MYH10: variants seen among roughly 807,000 people sequenced by gnomAD.
MYH10 encodes myosin-10.
MYH10 carries 55 observed loss-of-function variants against 257.8 expected under a neutral mutation model. The ratio of observed to expected loss-of-function variants is 0.21; its 90% CI spans 0.17 to 0.27. The LOEUF is 0.27. Ranked by LOEUF, MYH10 falls within the 10% of genes least tolerant of loss-of-function variation. The pLI is 1.00. For synonymous variants in MYH10, 854 were observed against 921.7 expected (o/e 0.93, Z 1.33); for missense variants, 1,631 against 2,500.6 (o/e 0.65, Z 7.42).
intron 7 of MYH10, chr17:8,561,668 G>A: frequency 3.1e-6 from 2 of 648,546 alleles, no homozygotes; most frequent in Non-Finnish European, 5.4e-6. Flanking sequence ...AAGATTTGGG[G>A]CCTCTGAACA....
At chr17:8,476,456 GCT>G (rs1312514745) in intron 42 of MYH10, among the ~76,000 whole-genome samples, 4 of 152,234 alleles carry the variant, frequency 2.6e-5, no homozygotes, top group African/African-American at 7.2e-5. Context: ...TTCAGCTGTA[GCT>G]CTCTCACGCT....
intron 2 of MYH10, among the ~76,000 whole-genome samples, chr17:8,606,628 T>C (rs543549810): frequency 2.0e-5 from 3 of 152,290 alleles, no homozygotes; most frequent in African/African-American, 7.2e-5. Context: ...TGCCAAAAAA[T>C]TTCAAGTGAT....
chr17:8,611,036 G>A (rs910979357), intron 2 of MYH10, among the ~76,000 whole-genome samples: 34 of 152,134 alleles, frequency 2.2e-4, no homozygotes, highest in African/African-American at 7.2e-4. Context: ...CCCAAAACCC[G>A]TTGCTGAGAA....
rs1320255126 is a variant in MYH10 at position 8,534,688 on chromosome 17, C to A, written c.1894+699G>T. Among the ~76,000 whole-genome samples the A allele has an allele frequency of 1.3e-5, 2 of 152,204 alleles. 1 individual carries two copies. The highest frequency in any genetic ancestry group is 2.9e-5 in the Non-Finnish European group (2 of 68,048). Reference sequence around the variant, plus strand: ...GGTCAAGGTCTAGGCAGGGTTAGATCCAGGGCTAAGGTCCTGCATGGCCTG... The same window carrying A: ...GGTCAAGGTCTAGGCAGGGTTAGATACAGGGCTAAGGTCCTGCATGGCCTG... On this transcript the variant is annotated intron_variant, in intron 16 of 42. Transcript: ENST00000360416.
At chr17:8,567,709 GAA>G (rs1033382845) in intron 7 of MYH10, among the ~76,000 whole-genome samples, 8 of 152,306 alleles carry the variant, frequency 5.3e-5, no homozygotes, top group African/African-American at 1.9e-4. Context: ...ATAAGCCAAA[GAA>G]AGAGTGCACA....
Position 8,506,438 on chromosome 17 carries a change from C to G in MYH10, c.3266G>C (p.Arg1089Thr). 6.2e-7 allele frequency: 1 copy of G among 1,612,862 alleles called. No homozygotes were observed. Among genetic ancestry groups the G allele is most frequent in the Non-Finnish European group, 8.5e-7 (1 of 1,179,630 alleles). The part of the protein sequence containing the change: ...KTRQELEKAK[R>T]KLDGETTDLQ... Reference sequence around the variant, plus strand: ...GTCGGTCGTCTCCCCGTCGAGTTTTCTTTTGGCCTTTTCCAGTTCCTGACG... The same window carrying G: ...GTCGGTCGTCTCCCCGTCGAGTTTTGTTTTGGCCTTTTCCAGTTCCTGACG... Residue 1089 changes from arginine (R) to threonine (T), a missense_variant, in exon 27 of 43, where the codon AGA (arginine) becomes ACA (threonine). By Grantham distance (71) the Arg-to-Thr change is moderately conservative. Coordinates refer to ENST00000360416, the MANE Select transcript of MYH10 (RefSeq NM_001256012.3). This position sits in a 1 kb window ranked among gnomAD's most constrained non-coding sequence, Gnocchi z 5.0.
At chr17:8,604,091 T>A (rs1454326779) in intron 3 of MYH10, among the ~76,000 whole-genome samples, 1 of 145,856 alleles carries the variant, frequency 6.9e-6, no homozygotes, top group Non-Finnish European at 1.6e-5. Context: ...AACGATTTTA[T>A]AAGAACCTTA....
At chr17:8,486,210 G>C (rs999883828) in intron 36 of MYH10, among the ~76,000 whole-genome samples, 1 of 152,152 alleles carries the variant, frequency 6.6e-6, no homozygotes, top group Non-Finnish European at 1.5e-5. Context: ...CTAATGGGTG[G>C]AGGATTCTTT....
chr17:8,597,224 C>T (rs1178566025), intron 3 of MYH10, among the ~76,000 whole-genome samples: 2 of 151,724 alleles, frequency 1.3e-5, no homozygotes, highest in Non-Finnish European at 2.9e-5. Context: ...GTTGATTGAA[C>T]TTCTATCAGG....
intron 2 of MYH10, among the ~76,000 whole-genome samples, chr17:8,619,249 G>C (rs1230242499): frequency 1.3e-5 from 2 of 152,130 alleles, no homozygotes; most frequent in Non-Finnish European, 2.9e-5. Context: ...GAGTGAAACT[G>C]CATTTTTTTT....
intron 3 of MYH10, among the ~76,000 whole-genome samples, chr17:8,594,958 C>T (rs967524456): frequency 7.9e-5 from 12 of 152,172 alleles, no homozygotes; most frequent in Non-Finnish European, 2.9e-5. Flanking sequence ...AAATGTGGGA[C>T]CCACGAATAC....
chr17:8,565,423 A>G (rs2151992230), intron 7 of MYH10, among the ~76,000 whole-genome samples: 2 of 152,364 alleles, frequency 1.3e-5, no homozygotes, highest in East Asian at 3.9e-4. Flanking sequence ...GGAGCTACTG[A>G]GATCAACTAC....
chr17:8,488,094 C>T (rs1362312332), intron 35 of MYH10, among the ~76,000 whole-genome samples: 1 of 152,154 alleles, frequency 6.6e-6, no homozygotes. Context: ...GCAGTCAAAG[C>T]TGTCCAATGG....
At chr17:8,590,873 C>CCTTTT (rs2084105224) in intron 3 of MYH10, among the ~76,000 whole-genome samples, 3 of 90,094 alleles carry the variant, frequency 3.3e-5, no homozygotes, top group East Asian at 3.5e-4. Context: ...TCAATGTCGC[C>CCTTTT]TTTTTTTTTT....
intron 27 of MYH10, among the ~76,000 whole-genome samples, chr17:8,505,466 A>C (rs1428686407): frequency 6.6e-6 from 1 of 152,206 alleles, no homozygotes; most frequent in Non-Finnish European, 1.5e-5. Context: ...GTTTGAGGTA[A>C]GGGAGATTTT....
chr17:8,521,355 G>A, intron 17 of MYH10, 70 bp from the exon 18 acceptor site: 3 of 1,489,734 alleles, frequency 2.0e-6, no homozygotes, highest in Non-Finnish European at 2.8e-6. Flanking sequence ...AAAAGACACA[G>A]TGAAAGTGCA....
In MYH10 at chr17:8,477,092, C is replaced by T. The variant is rs1912793981; in HGVS notation, c.5707-44G>A. Reference sequence around the variant, plus strand: ...ACCAAAACAAACCAAACTGGTGAATCCAGTGTCGGCCTCTCTGTACCCCGA... The same window carrying T: ...ACCAAAACAAACCAAACTGGTGAATTCAGTGTCGGCCTCTCTGTACCCCGA... On this transcript the variant is annotated intron_variant, in intron 41 of 42. Transcript: ENST00000360416. This position sits in a 1 kb window ranked among gnomAD's most constrained non-coding sequence, Gnocchi z 4.2. The T allele has an allele frequency of 1.9e-6, 3 of 1,606,630 alleles. No individual in the cohort carries two copies. The highest frequency in any genetic ancestry group is 2.6e-6 in the Non-Finnish European group (3 of 1,175,914).
At chr17:8,613,915 A>G (rs1425057240) in intron 2 of MYH10, among the ~76,000 whole-genome samples, 1 of 152,244 alleles carries the variant, frequency 6.6e-6, no homozygotes, top group Non-Finnish European at 1.5e-5. Context: ...GGCTAATGCA[A>G]ATATCAGACT....
chr17:8,536,819 A>G (rs1358538294), intron 14 of MYH10, among the ~76,000 whole-genome samples: 3 of 148,652 alleles, frequency 2.0e-5, no homozygotes, highest in Non-Finnish European at 4.4e-5. Context: ...AAAAAGCGCT[A>G]GATGAATCCA....
Sources: allele counts gnomAD v4.1 joint callset (sites outside exome capture counted in the v4.1 genomes callset), GRCh38; gene constraint gnomAD v4.1.1; non-coding constraint Gnocchi (gnomAD v3.1); transcripts MANE v1.5; gene names NCBI Gene and HGNC (gene_info 2026-07-23, HGNC 2026-07-21).